ZYG11B: variants seen among roughly 807,000 people sequenced by gnomAD.
ZYG11B encodes the protein zyg-11 family member B, cell cycle regulator.
In ZYG11B, 36 loss-of-function variants were observed where a neutral mutation model predicts 82.4. The observed-to-expected ratio is 0.44, with a 90% CI of 0.33 to 0.58. The LOEUF (loss-of-function observed/expected upper bound fraction) is 0.58. ZYG11B is among the 20% of genes least tolerant of loss of function. The probability of loss-of-function intolerance (pLI) is 0.02; values close to 1 mark genes in which losing one functional copy is unlikely to be tolerated. For missense variants in ZYG11B, 552 were observed against 895.6 expected, an observed-to-expected ratio of 0.62 and a Z score of 4.90; for synonymous variants, 303 against 312.8, an observed-to-expected ratio of 0.97 and a Z score of 0.33.
chr1:52,776,229 A>AAAAAAAAAAATATATACATAT, intron 3 of ZYG11B, among the ~76,000 whole-genome samples: 1 of 23,544 alleles, frequency 4.2e-5, no homozygotes, highest in East Asian at 6.7e-4. Context: ...TAAAAAAAAA[A>AAAAAAAAAAATATATACATAT]ATATATATAT....
intron 1 of ZYG11B, among the ~76,000 whole-genome samples, chr1:52,748,245 A>G (rs1467349912): frequency 1.3e-5 from 2 of 152,216 alleles, no homozygotes; most frequent in Admixed American, 1.3e-4. Context: ...AGAGATCTGC[A>G]CCAGGACCTG....
intron 2 of ZYG11B, among the ~76,000 whole-genome samples, chr1:52,759,609 C>G (rs1644610262): frequency 1.3e-5 from 2 of 152,146 alleles, no homozygotes; most frequent in Admixed American, 1.3e-4. Context: ...GATTACCTGT[C>G]TTCTTCATCA....
At chr1:52,797,417 ATTATACATAT>A (rs1645032145) in intron 8 of ZYG11B, among the ~76,000 whole-genome samples, 1 of 109,096 alleles carries the variant, frequency 9.2e-6, no homozygotes, top group African/African-American at 4.3e-5. Flanking sequence ...TATATCATAT[ATTATACATAT>A]TATATATAAC....
intron 8 of ZYG11B, among the ~76,000 whole-genome samples, chr1:52,797,886 G>C (rs193155463): frequency 6.6e-6 from 1 of 152,002 alleles, no homozygotes; most frequent in Non-Finnish European, 1.5e-5. Context: ...CACTTTGGGA[G>C]GCCAAGGCAG....
chr1:52,816,959 T>C (rs1456703271), intron 13 of ZYG11B, among the ~76,000 whole-genome samples: 1 of 151,802 alleles, frequency 6.6e-6, no homozygotes, highest in East Asian at 1.9e-4. Flanking sequence ...CGGCTAATTT[T>C]TGTATTATTA....
chr1:52,812,239 A>G (rs1275129532), intron 10 of ZYG11B, among the ~76,000 whole-genome samples: 1 of 151,602 alleles, frequency 6.6e-6, no homozygotes, highest in African/African-American at 2.4e-5. Flanking sequence ...ATGCCTGGTA[A>G]TTTTTTTATT....
intron 2 of ZYG11B, among the ~76,000 whole-genome samples, chr1:52,763,928 C>T (rs1418040855): frequency 5.9e-5 from 9 of 152,160 alleles, no homozygotes; most frequent in Non-Finnish European, 4.4e-5. Context: ...TTTCTAGGTG[C>T]TTGAAAGCTT....
At chr1:52,814,452 A>G (rs72895433) in intron 12 of ZYG11B, among the ~76,000 whole-genome samples, 5,652 of 152,330 alleles carry the variant, frequency 0.037, 326 homozygotes, top group African/African-American at 0.13. Context: ...GAAATACAAA[A>G]ATGAACAAAG....
chr1:52,807,915 A>G (rs1645153942), intron 10 of ZYG11B, among the ~76,000 whole-genome samples: 1 of 152,220 alleles, frequency 6.6e-6, no homozygotes, highest in Non-Finnish European at 1.5e-5. Flanking sequence ...TTTGAAAGAT[A>G]CTTTTACCAG....
Position 52,826,470 on chromosome 1 carries a change from G to A in ZYG11B, c.*4841G>A, listed in dbSNP as rs1169100742. The A allele has an allele frequency of 6.6e-6, 1 of 152,180 alleles. No individual in the cohort carries two copies. The highest frequency in any genetic ancestry group is 1.9e-4 in the East Asian group (1 of 5,200). The allele number at this position is 152,180 out of a possible 1,614,324, so 9.4% of individuals were successfully genotyped here. A position where few individuals can be genotyped will look rare whatever the true frequency, so the allele number is the denominator to read the frequency against. On this transcript the variant is annotated 3_prime_UTR_variant, in exon 14 of 14. Coordinates refer to ENST00000294353, the MANE Select transcript of ZYG11B (RefSeq NM_024646.3). ...CGTATGATAAGAGAATTTGCTCATCGTGCTTTAAATGATTAACTGTTTTAC... is the reference window on the plus strand; with the variant it reads ...CGTATGATAAGAGAATTTGCTCATCATGCTTTAAATGATTAACTGTTTTAC...
intron 1 of ZYG11B, among the ~76,000 whole-genome samples, chr1:52,746,283 G>A (rs950335145): frequency 6.6e-6 from 1 of 152,090 alleles, no homozygotes; most frequent in African/African-American, 2.4e-5. Flanking sequence ...TGACCTGTGT[G>A]GTCTAGTCTT....
chr1:52,797,184 A>G (rs1305653415), intron 8 of ZYG11B, among the ~76,000 whole-genome samples: 3 of 82,304 alleles, frequency 3.6e-5, no homozygotes, highest in Non-Finnish European at 6.2e-5. Flanking sequence ...ATATATTTAT[A>G]TATTATATAT....
Position 52,824,779 on chromosome 1 carries a change from C to T in ZYG11B, c.*3150C>T, listed in dbSNP as rs1645311566. On this transcript the variant is annotated 3_prime_UTR_variant, in exon 14 of 14. Coordinates refer to ENST00000294353, the MANE Select transcript of ZYG11B (RefSeq NM_024646.3). ...TAAGGTCCTGAATCTGGCTAAAATA[C>T]AGTGGATGTATGTATTGGAATTATG... 6.6e-6 allele frequency: 1 copy of T among 152,008 alleles called. No individual in the cohort carries two copies. Among genetic ancestry groups the T allele is most frequent in the Non-Finnish European group, 1.5e-5 (1 of 68,024 alleles). The allele number at this position is 152,008 out of a possible 1,614,324, so 9.4% of individuals were successfully genotyped here. A position where few individuals can be genotyped will look rare whatever the true frequency, so the allele number is the denominator to read the frequency against.
intron 12 of ZYG11B, 144 bp downstream of exon 12, chr1:52,814,056 C>T: frequency 2.5e-6 from 2 of 799,728 alleles, no homozygotes; most frequent in Non-Finnish European, 4.0e-6. Flanking sequence ...GAGTTTCACT[C>T]CGTCGCCATG....
At chr1:52,807,469 T>C (rs986497357) in intron 10 of ZYG11B, among the ~76,000 whole-genome samples, 1 of 151,086 alleles carries the variant, frequency 6.6e-6, no homozygotes, top group Non-Finnish European at 1.5e-5. Flanking sequence ...TAATAATGTA[T>C]AGTTCAGAAT....
chr1:52,755,159 G>A (rs1271790852), intron 1 of ZYG11B, among the ~76,000 whole-genome samples: 1 of 151,712 alleles, frequency 6.6e-6, no homozygotes, highest in African/African-American at 2.4e-5. Flanking sequence ...GATGGGATTT[G>A]ACCGTGTTAG....
intron 3 of ZYG11B, among the ~76,000 whole-genome samples, chr1:52,778,849 A>G (rs1337039221): frequency 6.6e-6 from 1 of 152,180 alleles, no homozygotes; most frequent in Non-Finnish European, 1.5e-5. Context: ...CTTGGTGCTG[A>G]AAAGGAGCGT....
At chr1:52,769,590 A>T (rs1368431408) in intron 2 of ZYG11B, among the ~76,000 whole-genome samples, 1 of 152,192 alleles carries the variant, frequency 6.6e-6, no homozygotes, top group Non-Finnish European at 1.5e-5. Flanking sequence ...GGAGTTCTTA[A>T]TATGTAATTA....
At chr1:52,736,173 A>G (rs189529022) in intron 1 of ZYG11B, among the ~76,000 whole-genome samples, 1 of 152,322 alleles carries the variant, frequency 6.6e-6, no homozygotes, top group Admixed American at 6.5e-5. Context: ...GCTAACAGCC[A>G]TTCATATAGA....
Sources: allele counts gnomAD v4.1 joint callset (sites outside exome capture counted in the v4.1 genomes callset), GRCh38; gene constraint gnomAD v4.1.1; transcripts MANE v1.5; gene names NCBI Gene and HGNC (gene_info 2026-07-23, HGNC 2026-07-21).